Variants in PTPRD observed in about 807,000 individuals in gnomAD.
The protein encoded by PTPRD is protein tyrosine phosphatase receptor type D, also known as receptor-type tyrosine-protein phosphatase delta.
In PTPRD, 34 loss-of-function variants were observed where a neutral mutation model predicts 214.5. The ratio of observed to expected loss-of-function variants is 0.16; its 90% confidence interval spans 0.12 to 0.21. PTPRD has a LOEUF of 0.21. Among genes scored for constraint, PTPRD ranks in the 10% least tolerant of loss-of-function variants. PTPRD has a pLI of 1.00. For synonymous variants in PTPRD, 1,128 were observed against 845.7 expected (o/e 1.33, Z -5.79); for missense variants, 2,545 against 2,398.7 (o/e 1.06, Z -1.27).
chr9:8,627,689 T>C (rs1217254656), intron 14 of PTPRD, among the ~76,000 whole-genome samples: 1 of 151,702 alleles, frequency 6.6e-6, no homozygotes, highest in Non-Finnish European at 1.5e-5. Flanking sequence ...AAAAGATAGA[T>C]CAGAAGGAAA....
intron 5 of PTPRD, among the ~76,000 whole-genome samples, chr9:9,895,610 G>A (rs559318274): frequency 6.6e-6 from 1 of 152,016 alleles, no homozygotes; most frequent in Admixed American, 6.6e-5. Context: ...GGAGGGTTTG[G>A]AAAATGATGG....
chr9:9,072,084 G>A (rs893521514), intron 10 of PTPRD, among the ~76,000 whole-genome samples: 6 of 151,972 alleles, frequency 3.9e-5, no homozygotes, highest in African/African-American at 1.5e-4. Context: ...TGCAAAGCAG[G>A]ATAATTTTAA....
At chr9:8,751,276 A>T (rs1385211513) in intron 11 of PTPRD, among the ~76,000 whole-genome samples, 1 of 152,130 alleles carries the variant, frequency 6.6e-6, no homozygotes, top group African/African-American at 2.4e-5. Context: ...ATTAGTTCTC[A>T]TTTGCGTTCC....
Position 10,189,137 on chromosome 9 carries a change from T to C in PTPRD, c.-545+151826A>G, listed in dbSNP as rs140224110. Among the ~76,000 whole-genome samples, 521 of 152,312 alleles carry C rather than the reference T, an allele frequency of 3.4e-3. 6 individuals carry two copies. Among genetic ancestry groups the C allele is most frequent in the African/African-American group, 0.012 (496 of 41,568 alleles). ...GCAGCCTCCCTCTGTATGTAAGTTC[T>C]ATGAATAAATGCTTTGGACTGGTCG... On this transcript the variant is annotated intron_variant, in intron 3 of 45. Transcript: ENST00000381196.
At chr9:10,479,737 G>C (rs1315756664) in intron 2 of PTPRD, among the ~76,000 whole-genome samples, 1 of 151,986 alleles carries the variant, frequency 6.6e-6, no homozygotes, top group African/African-American at 2.4e-5. Flanking sequence ...AGGTAAGGTC[G>C]CTTGAGCCCA....
At chr9:9,959,381 G>A (rs1043941019) in intron 4 of PTPRD, among the ~76,000 whole-genome samples, 1 of 152,122 alleles carries the variant, frequency 6.6e-6, no homozygotes, top group South Asian at 2.1e-4. Flanking sequence ...AGGACTTTTA[G>A]AACAGCAAAA....
intron 9 of PTPRD, among the ~76,000 whole-genome samples, chr9:9,299,683 T>C (rs1282421805): frequency 6.6e-6 from 1 of 151,704 alleles, no homozygotes; most frequent in African/African-American, 2.4e-5. Flanking sequence ...CAAAGTATTT[T>C]TGATTAAAGG....
intron 7 of PTPRD, among the ~76,000 whole-genome samples, chr9:9,669,312 T>G (rs1283959442): frequency 6.6e-6 from 1 of 152,178 alleles, no homozygotes; most frequent in Non-Finnish European, 1.5e-5. Flanking sequence ...TCTATTAGTA[T>G]GACTGATAGT....
At chr9:10,111,278 G>T (rs1242851594) in intron 3 of PTPRD, among the ~76,000 whole-genome samples, 1 of 106,660 alleles carries the variant, frequency 9.4e-6, no homozygotes, top group Admixed American at 1.6e-4. Context: ...TCGCTCTGTC[G>T]CCCAGGCTGG....
chr9:8,820,380 G>C (rs2097027479), intron 11 of PTPRD, among the ~76,000 whole-genome samples: 1 of 152,018 alleles, frequency 6.6e-6, no homozygotes. Context: ...GAGAGTCTCT[G>C]CTCTCATAAC....
chr9:9,714,704 T>A (rs1175269836), intron 7 of PTPRD, among the ~76,000 whole-genome samples: 1 of 152,154 alleles, frequency 6.6e-6, no homozygotes, highest in African/African-American at 2.4e-5. Flanking sequence ...GAGCTGATCA[T>A]ACTGATAGCT....
rs929049871 is a variant in PTPRD at position 10,146,469 on chromosome 9, C to G, written c.-544-112679G>C. 2.0e-5 allele frequency among the ~76,000 whole-genome samples: 3 copies of G among 151,858 alleles called. No individual in the cohort carries two copies. The Admixed American group carries it at 2.0e-4, about 10-fold the overall frequency. ...ATGATGATATTTACACTTAAAGTGG[C>G]CGCTCCAGGAATCGGTTGAAATTAT... On this transcript the variant is annotated intron_variant, in intron 3 of 45. Coordinates refer to ENST00000381196, the MANE Select transcript of PTPRD (RefSeq NM_002839.4).
At chr9:8,353,947 T>TGTGTGTGTAC (rs2076309305) in intron 39 of PTPRD, among the ~76,000 whole-genome samples, 5 of 116,966 alleles carry the variant, frequency 4.3e-5, no homozygotes, top group African/African-American at 1.2e-4. Flanking sequence ...CATATATATA[T>TGTGTGTGTAC]ATATATATAT....
chr9:10,261,434 A>G (rs1196788417), intron 3 of PTPRD, among the ~76,000 whole-genome samples: 1 of 152,142 alleles, frequency 6.6e-6, no homozygotes, highest in Non-Finnish European at 1.5e-5. Flanking sequence ...TTAAAATCAG[A>G]CATAGATACA....
intron 3 of PTPRD, among the ~76,000 whole-genome samples, chr9:10,210,668 T>A (rs1402984498): frequency 4.0e-5 from 6 of 149,718 alleles, no homozygotes; most frequent in Non-Finnish European, 8.9e-5. Context: ...TATGTTTATA[T>A]ATGTATATGT....
chr9:9,082,634 T>C (rs1416122529), intron 10 of PTPRD, among the ~76,000 whole-genome samples: 1 of 152,122 alleles, frequency 6.6e-6, no homozygotes, highest in East Asian at 1.9e-4. Flanking sequence ...GATGACATGA[T>C]TGTATATTTA....
At chr9:9,366,078 C>A (rs1344363916) in intron 9 of PTPRD, among the ~76,000 whole-genome samples, 1 of 151,330 alleles carries the variant, frequency 6.6e-6, no homozygotes, top group Non-Finnish European at 1.5e-5. Flanking sequence ...AGGAATAAGT[C>A]TATTGCATGA....
chr9:10,116,505 T>C (rs1375183049), intron 3 of PTPRD, among the ~76,000 whole-genome samples: 1 of 152,174 alleles, frequency 6.6e-6, no homozygotes, highest in Non-Finnish European at 1.5e-5. Context: ...TTCAAAATTA[T>C]AGCATTGAAT....
chr9:10,329,597 T>G (rs2096712340), intron 3 of PTPRD, among the ~76,000 whole-genome samples: 1 of 151,902 alleles, frequency 6.6e-6, no homozygotes, highest in East Asian at 1.9e-4. Flanking sequence ...ATGCTTAATG[T>G]CTTGTGGTTA....
Sources: allele counts gnomAD v4.1 joint callset (sites outside exome capture counted in the v4.1 genomes callset), GRCh38; gene constraint gnomAD v4.1.1; transcripts MANE v1.5; gene names NCBI Gene and HGNC (gene_info 2026-07-23, HGNC 2026-07-21).